The following PCDHA2 variants were observed in gnomAD, a reference collection of about 807,000 sequenced individuals.
PCDHA2 encodes protocadherin alpha-2.
A neutral mutation model predicts 66.0 loss-of-function variants in PCDHA2; 58 were observed. The observed-to-expected ratio is 0.88, with a 90% confidence interval of 0.71 to 1.09. The LOEUF is 1.09. PCDHA2 is among the 50% of genes least tolerant of loss of function. PCDHA2 has a pLI of 0.00. For missense variants in PCDHA2, 1,267 were observed against 1,242.3 expected (o/e 1.02, Z -0.30); for synonymous variants, 634 against 554.0 (o/e 1.14, Z -2.03).
intron 1 of PCDHA2, among the ~76,000 whole-genome samples, chr5:140,932,345 C>G (rs1332373274): frequency 6.6e-6 from 1 of 151,820 alleles, no homozygotes; most frequent in African/African-American, 2.4e-5. Context: ...AAACACTTAC[C>G]ATACAACTGG....
At position 141,011,699 on chromosome 5, in the gene PCDHA2, A is replaced by G. The variant is rs537913184; in HGVS notation, c.*1762A>G. 6.5e-6 allele frequency: 1 copy of G among 153,890 alleles called. No homozygotes were observed. Among genetic ancestry groups the G allele is most frequent in the African/African-American group, 2.4e-5 (1 of 41,578 alleles). 9.5% of individuals were successfully genotyped at this position (153,890 alleles called of 1,614,324 possible). A position where few individuals can be genotyped will look rare whatever the true frequency, so the allele number is the denominator to read the frequency against. ...TTGTTCTAGTAACAATTTTGGAATG[A>G]ATACTGACAATATTCCATGAGGGTG... On this transcript the variant is annotated 3_prime_UTR_variant, in exon 4 of 4. Coordinates refer to ENST00000526136, the MANE Select transcript of PCDHA2 (RefSeq NM_018905.3).
intron 3 of PCDHA2, among the ~76,000 whole-genome samples, chr5:140,983,911 G>A (rs546792762): frequency 6.6e-6 from 1 of 152,290 alleles, no homozygotes; most frequent in East Asian, 1.9e-4. Flanking sequence ...ATTCTAATCA[G>A]CCAGGATTTG....
At chr5:140,877,163 C>T (rs782243946) in intron 1 of PCDHA2, 3 of 1,613,816 alleles carry the variant, frequency 1.9e-6, no homozygotes, top group Non-Finnish European at 2.5e-6. Context: ...AACGCGCCGG[C>T]ACTGCTGGCG....
rs1284021507 is a variant in PCDHA2 at position 140,883,838 on chromosome 5, G to A, written c.2388+86486G>A. The A allele has an allele frequency of 1.9e-6, 3 of 1,612,620 alleles. No individual in the cohort carries two copies. In the Admixed American group the frequency reaches 5.0e-5, roughly 27 times the overall value. ...CAAGGTGTACGCGCTGCAGCCGTTG[G>A]ACCACGAGGAGCTGGAGCTGTTGCA... On this transcript the variant is annotated intron_variant, in intron 1 of 3. Coordinates refer to ENST00000526136, the MANE Select transcript of PCDHA2 (RefSeq NM_018905.3).
Position 140,848,697 on chromosome 5 carries a change from T to C in PCDHA2, c.2388+51345T>C. ...GGTGCCGCGCCTGTTCCAGTTGGAT[T>C]CCAAAGGCCGCGGGGACCTTCTGGA... On this transcript the variant is annotated intron_variant, in intron 1 of 3. Coordinates refer to ENST00000526136, the MANE Select transcript of PCDHA2 (RefSeq NM_018905.3). 11 of 1,592,356 alleles carry C rather than the reference T, an allele frequency of 6.9e-6. 1 individual carries two copies. The highest frequency in any genetic ancestry group is 9.5e-6 in the Non-Finnish European group (11 of 1,163,328).
intron 1 of PCDHA2, among the ~76,000 whole-genome samples, chr5:140,799,362 A>G (rs1762421581): frequency 6.6e-6 from 1 of 152,128 alleles, no homozygotes; most frequent in Admixed American, 6.5e-5. Flanking sequence ...AAGGCATCTC[A>G]TTACTATGAA....
At position 140,927,327 on chromosome 5, in the gene PCDHA2, C is replaced by T. The variant is rs781793681; in HGVS notation, c.2389-51622C>T. On this transcript the variant is annotated intron_variant, in intron 1 of 3. Coordinates refer to ENST00000526136, the MANE Select transcript of PCDHA2 (RefSeq NM_018905.3). ...TGACGCCCGGAGCCCGCTTTACTCT[C>T]CCGAATGCCCAAGATGACGACGAGG... 8.5e-5 allele frequency: 137 copies of T among 1,614,206 alleles called. No individual in the cohort carries two copies. In the Middle Eastern group the frequency reaches 3.6e-3, roughly 43 times the overall value.
intron 1 of PCDHA2, among the ~76,000 whole-genome samples, chr5:140,921,833 T>C (rs1228666561): frequency 1.3e-5 from 2 of 152,094 alleles, no homozygotes; most frequent in Admixed American, 6.6e-5. Flanking sequence ...TATACACATA[T>C]AGACATATTT....
At position 140,797,371 on chromosome 5, in the gene PCDHA2, C is replaced by T; in HGVS notation, c.2388+19C>T. 6.2e-7 allele frequency: 1 copy of T among 1,605,614 alleles called. No individual in the cohort carries two copies. Among genetic ancestry groups the T allele is most frequent in the South Asian group, 1.1e-5 (1 of 89,896 alleles). ...AGGAAAGGTGAGTCTTTTACTTTTT[C>T]TTGCCAATTCTAAAATTGTTCTTTT... is the stretch of plus-strand genomic sequence containing the variant. On this transcript the variant is annotated intron_variant, in intron 1 of 3. Coordinates refer to ENST00000526136, the MANE Select transcript of PCDHA2 (RefSeq NM_018905.3).
intron 3 of PCDHA2, among the ~76,000 whole-genome samples, chr5:140,984,315 C>G (rs1254013417): frequency 1.3e-5 from 2 of 152,124 alleles, no homozygotes; most frequent in African/African-American, 4.8e-5. Flanking sequence ...GTGTGTATTC[C>G]TAGGCAAATG....
At chr5:140,875,667 G>T in intron 1 of PCDHA2, 1 of 1,613,820 alleles carries the variant, frequency 6.2e-7, no homozygotes, top group Non-Finnish European at 8.5e-7. Flanking sequence ...GCCTGTTCCG[G>T]GTGGCGTCCA....
At position 140,905,827 on chromosome 5, in the gene PCDHA2, A is replaced by T. The variant is rs140988076; in HGVS notation, c.2389-73122A>T. 2.2e-3 allele frequency among the ~76,000 whole-genome samples: 329 copies of T among 152,298 alleles called. 1 individual carries two copies. The highest frequency in any genetic ancestry group is 7.5e-3 in the African/African-American group (311 of 41,554). The stretch of plus-strand genomic sequence containing the variant: ...CAGAATTAATAGGCTAGATGTGTAT[A>T]TAAAGGGGAGTTTATTAAGGAGTAT... On this transcript the variant is annotated intron_variant, in intron 1 of 3. Coordinates refer to ENST00000526136, the MANE Select transcript of PCDHA2 (RefSeq NM_018905.3).
intron 3 of PCDHA2, among the ~76,000 whole-genome samples, chr5:140,999,978 G>A (rs980753359): frequency 5.9e-5 from 9 of 151,942 alleles, no homozygotes; most frequent in South Asian, 2.1e-4. Flanking sequence ...CAGCTCTAGC[G>A]GCCTCTGGGT....
At chr5:140,936,242 T>C (rs2090852443) in intron 1 of PCDHA2, among the ~76,000 whole-genome samples, 1 of 152,196 alleles carries the variant, frequency 6.6e-6, no homozygotes, top group African/African-American at 2.4e-5. Flanking sequence ...AAAGAAAACA[T>C]ATCCTGCTTC....
rs2150336386 is a variant in PCDHA2 at position 140,842,455 on chromosome 5, T to C, written c.2388+45103T>C. Reference sequence around the variant, plus strand: ...CCCTAATTAGCGTGAACGACCTCGATTCAGGTGCCAACGGGCAGGTGACCT... The same window carrying C: ...CCCTAATTAGCGTGAACGACCTCGACTCAGGTGCCAACGGGCAGGTGACCT... On this transcript the variant is annotated intron_variant, in intron 1 of 3. Coordinates refer to ENST00000526136, the MANE Select transcript of PCDHA2 (RefSeq NM_018905.3). The C allele has an allele frequency of 1.2e-6, 2 of 1,613,862 alleles. 1 individual carries two copies. Among genetic ancestry groups the C allele is most frequent in the East Asian group, 4.5e-5 (2 of 44,876 alleles).
chr5:140,870,082 C>A lies in PCDHA2; in HGVS notation c.2388+72730C>A, dbSNP rs1326686779. 1.9e-6 allele frequency: 3 copies of A among 1,613,708 alleles called. No individual in the cohort carries two copies. In the Admixed American group the frequency reaches 5.0e-5, roughly 27 times the overall value. ...AGTACAGGCTACAGATAAGGGGACT[C>A]CCCCAATGGCAGGTCACTGTACAGT... On this transcript the variant is annotated intron_variant, in intron 1 of 3. Transcript: ENST00000526136.
At chr5:140,940,822 A>G (rs1446773813) in intron 1 of PCDHA2, among the ~76,000 whole-genome samples, 9 of 152,200 alleles carry the variant, frequency 5.9e-5, no homozygotes, top group Admixed American at 3.9e-4. Context: ...GAGATCTTGG[A>G]TGGAAATACC....
intron 1 of PCDHA2, chr5:140,883,301 G>C (rs1380648584): frequency 1.2e-6 from 2 of 1,613,968 alleles, no homozygotes; most frequent in African/African-American, 1.3e-5. Flanking sequence ...AGATGTAAAT[G>C]ATAACGCCCC....
At chr5:140,825,754 A>T (rs782058302) in intron 1 of PCDHA2, 1 of 152,530 alleles carries the variant, frequency 6.6e-6, no homozygotes, top group East Asian at 1.9e-4. Context: ...GTAACTGTGA[A>T]TCTCCTCAGT....
Sources: gnomAD v4.1 joint callset for allele counts (sites outside exome capture counted in the v4.1 genomes callset) on GRCh38, gnomAD v4.1.1 for gene constraint, MANE v1.5 for transcripts, NCBI Gene and HGNC (gene_info 2026-07-23, HGNC 2026-07-21) for gene names.